The following AK9 variants were observed in gnomAD, a reference collection of about 807,000 sequenced individuals.
AK9 encodes adenylate kinase domain containing 1.
A neutral mutation model predicts 239.6 loss-of-function variants in AK9; 191 were observed. The ratio of observed to expected loss-of-function variants is 0.80; its 90% confidence interval spans 0.71 to 0.90. The LOEUF is 0.90. Among genes scored for constraint, AK9 ranks in the 40% least tolerant of loss-of-function variants. The pLI, the probability that AK9 is intolerant of heterozygous loss-of-function variation, is 0.00. For synonymous variants in AK9, 689 were observed against 721.0 expected, an observed-to-expected ratio of 0.96 and a Z score of 0.71; for missense variants, 1,995 against 2,214.7, an observed-to-expected ratio of 0.90 and a Z score of 1.99.
At position 109,533,302 on chromosome 6, in the gene AK9, C is replaced by T; in HGVS notation, c.3519G>A (p.Lys1173=). Residue 1173 remains lysine, a synonymous_variant, in exon 28 of 41, where the codon AAG becomes AAA. Transcript: ENST00000424296. ...TCAGTTTCTTCCTTTCTAATTTCTT[C>T]TTTTGTTTTAGTTTCCACTTTTCAA... The part of the protein sequence containing the change: ...AQIEKWKLKQ[K]KKLERKKLIK... 6.2e-7 allele frequency: 1 copy of T among 1,611,060 alleles called. No individual in the cohort carries two copies. The highest frequency in any genetic ancestry group is 2.2e-5 in the East Asian group (1 of 44,816).
intron 1 of AK9, among the ~76,000 whole-genome samples, chr6:109,684,873 C>CAAAA (rs60500211): frequency 1.4e-4 from 3 of 21,870 alleles, no homozygotes; most frequent in African/African-American, 1.7e-4. Flanking sequence ...GACTCCGTCT[C>CAAAA]AAAAAAAAAA....
intron 12 of AK9, among the ~76,000 whole-genome samples, chr6:109,629,846 G>T (rs1795938174): frequency 1.3e-5 from 2 of 151,898 alleles, no homozygotes; most frequent in Non-Finnish European, 2.9e-5. Context: ...TGTTAGCCAG[G>T]ATGGTCTCGA....
intron 24 of AK9, among the ~76,000 whole-genome samples, chr6:109,562,908 T>C (rs1785965683): frequency 6.6e-6 from 1 of 152,054 alleles, no homozygotes; most frequent in African/African-American, 2.4e-5. Context: ...GGATGGATGA[T>C]GAAAGAAAAG....
chr6:109,506,688 T>C lies in AK9; in HGVS notation c.4594A>G (p.Lys1532Glu). The change falls in exon 34 of 41, where the codon AAA becomes GAA. Residue 1532 changes from lysine to glutamate, a missense_variant. By Grantham distance (56) the Lys-to-Glu change is moderately conservative. Transcript: ENST00000424296. ...ELSVPSKEIF[K>E]RLLLEKENEQ... ...TTTTCTTTTTCTAGGAGCAATCTTT[T>C]GAAAATCTCCTTGGAAGGCACACTC... 6.5e-7 allele frequency: 1 copy of C among 1,534,966 alleles called. No homozygotes were observed. Among genetic ancestry groups the C allele is most frequent in the Non-Finnish European group, 8.8e-7 (1 of 1,136,008 alleles).
intron 8 of AK9, 149 bp downstream of exon 8, chr6:109,656,607 G>A (rs1799729088): frequency 1.3e-6 from 1 of 791,158 alleles, no homozygotes; most frequent in Non-Finnish European, 1.9e-6. Flanking sequence ...TCTTTGGGAT[G>A]GAGGCCTTTT....
chr6:109,549,325 A>T (rs909820188), intron 25 of AK9, among the ~76,000 whole-genome samples: 2 of 152,194 alleles, frequency 1.3e-5, no homozygotes, highest in Non-Finnish European at 2.9e-5. Flanking sequence ...TGAACCAGTC[A>T]ACAGCAGCAT....
At chr6:109,655,769 G>A (rs1002643063) in intron 8 of AK9, among the ~76,000 whole-genome samples, 6 of 152,186 alleles carry the variant, frequency 3.9e-5, no homozygotes, top group Non-Finnish European at 7.3e-5. Context: ...CCCAGTGCCA[G>A]CCACTTAAGG....
chr6:109,586,198 G>A (rs1381368687), intron 17 of AK9, 126 bp from the exon 18 acceptor site: 1 of 855,802 alleles, frequency 1.2e-6, no homozygotes. Flanking sequence ...GGAAAAAAAA[G>A]GGTGACAATT....
Position 109,516,005 on chromosome 6 carries a change from T to A in AK9, c.3917A>T (p.Tyr1306Phe), listed in dbSNP as rs1191267486. 1 of 1,551,238 alleles carries A rather than the reference T, an allele frequency of 6.4e-7. No homozygotes were observed. The part of the protein sequence containing the change: ...NGARRNHIVQ[Y>F]TLNMKLKPLV... ...TGGTTTCAGTTTCATATTCAATGTATATTGTACAATGTGATTTCTCCGAGC... is the reference window on the plus strand; with the variant it reads ...TGGTTTCAGTTTCATATTCAATGTAAATTGTACAATGTGATTTCTCCGAGC... The change falls in exon 31 of 41, where the codon TAT (tyrosine) becomes TTT (phenylalanine). Residue 1306 changes from tyrosine to phenylalanine, a missense_variant. By Grantham distance (22) the Tyr-to-Phe change is conservative (BLOSUM62 3). Coordinates refer to ENST00000424296, the MANE Select transcript of AK9 (RefSeq NM_001145128.3).
At chr6:109,569,359 C>T (rs1199675565) in intron 21 of AK9, among the ~76,000 whole-genome samples, 2 of 152,194 alleles carry the variant, frequency 1.3e-5, no homozygotes, top group Non-Finnish European at 2.9e-5. Context: ...CCATTCAGGA[C>T]ATAGACATGG....
intron 32 of AK9, among the ~76,000 whole-genome samples, chr6:109,509,733 G>C (rs1001059193): frequency 1.3e-5 from 2 of 152,032 alleles, no homozygotes; most frequent in Non-Finnish European, 2.9e-5. Context: ...GCAGCCACCT[G>C]ACCCACGGCT....
chr6:109,638,637 G>A (rs1335002097), intron 10 of AK9, among the ~76,000 whole-genome samples: 4 of 151,964 alleles, frequency 2.6e-5, no homozygotes, highest in African/African-American at 4.8e-5. Flanking sequence ...GTGCTATCAC[G>A]TCTGGTTAAT....
chr6:109,518,099 A>C (rs1779451530), intron 29 of AK9, among the ~76,000 whole-genome samples: 1 of 151,858 alleles, frequency 6.6e-6, no homozygotes, highest in East Asian at 1.9e-4. Flanking sequence ...GCTACTTCCT[A>C]ATCTTTCTAA....
At position 109,563,960 on chromosome 6, in the gene AK9, T is replaced by A. The variant is rs1224482417; in HGVS notation, c.2635+120A>T. The A allele has an allele frequency of 4.5e-5, 51 of 1,127,728 alleles. 1 individual carries two copies. In the South Asian group the frequency reaches 8.5e-4, roughly 19 times the overall value. 69.9% of individuals were successfully genotyped at this position (1,127,728 alleles called of 1,614,324 possible). A position where few individuals can be genotyped will look rare whatever the true frequency, so the allele number is the denominator to read the frequency against. On this transcript the variant is annotated intron_variant, in intron 23 of 40. Coordinates refer to ENST00000424296, the MANE Select transcript of AK9 (RefSeq NM_001145128.3). ...TGATAGTTGCTAAGTATTTTATACATCAGCCTTGGATATACTGAACATTTA... is the reference window on the plus strand; with the variant it reads ...TGATAGTTGCTAAGTATTTTATACAACAGCCTTGGATATACTGAACATTTA...
intron 12 of AK9, among the ~76,000 whole-genome samples, chr6:109,626,834 G>T (rs1795578446): frequency 6.6e-6 from 1 of 152,144 alleles, no homozygotes; most frequent in Non-Finnish European, 1.5e-5. Context: ...AAGTTGATCT[G>T]GGTGAGACAG....
intron 17 of AK9, among the ~76,000 whole-genome samples, chr6:109,596,048 A>C (rs1467724012): frequency 6.6e-6 from 1 of 152,128 alleles, no homozygotes; most frequent in Non-Finnish European, 1.5e-5. Context: ...AACGAAAAAA[A>C]TCTATTTCTA....
intron 35 of AK9, among the ~76,000 whole-genome samples, chr6:109,505,076 C>T (rs192730289): frequency 1.3e-5 from 2 of 152,328 alleles, no homozygotes; most frequent in East Asian, 1.9e-4. Context: ...TCTCCCTTCC[C>T]TTGCACTTTT....
Position 109,550,379 on chromosome 6 carries a change from C to A in AK9, c.2752-77G>T. 3.8e-6 allele frequency: 5 copies of A among 1,309,604 alleles called. No individual in the cohort carries two copies. The South Asian group carries it at 5.5e-5, about 14-fold the overall frequency. The allele number at this position is 1,309,604 out of a possible 1,614,324, so 81.1% of individuals were successfully genotyped here. ...ATGCAGATAATTTTTTAAAATGCTTCTTGAATAATATTTAATCTGTAGCAA... is the reference window on the plus strand; with the variant it reads ...ATGCAGATAATTTTTTAAAATGCTTATTGAATAATATTTAATCTGTAGCAA... On this transcript the variant is annotated intron_variant, in intron 24 of 40. Coordinates refer to ENST00000424296, the MANE Select transcript of AK9 (RefSeq NM_001145128.3).
chr6:109,639,722 C>T (rs566570155), intron 10 of AK9, among the ~76,000 whole-genome samples: 71 of 152,204 alleles, frequency 4.7e-4, no homozygotes, highest in African/African-American at 1.7e-3. Flanking sequence ...AAGTCCTTGC[C>T]CCTGCCTACG....
Sources: allele counts gnomAD v4.1 joint callset (sites outside exome capture counted in the v4.1 genomes callset), GRCh38; gene constraint gnomAD v4.1.1; transcripts MANE v1.5; gene names NCBI Gene and HGNC (gene_info 2026-07-23, HGNC 2026-07-21).